MORC2: variants seen among roughly 807,000 people sequenced by gnomAD.
MORC2 encodes ATPase MORC2.
A neutral mutation model predicts 136.0 loss-of-function variants in MORC2; 30 were observed. The ratio of observed to expected loss-of-function variants is 0.22; its 90% CI spans 0.17 to 0.30. The LOEUF (loss-of-function observed/expected upper bound fraction) is 0.30. Ranked by LOEUF, MORC2 falls within the 10% of genes least tolerant of loss-of-function variation. The pLI is 1.00. For synonymous variants in MORC2, 439 were observed against 487.0 expected, an observed-to-expected ratio of 0.90 and a Z score of 1.30; for missense variants, 922 against 1,333.1, an observed-to-expected ratio of 0.69 and a Z score of 4.80.
intron 3 of MORC2, 127 bp from the exon 4 acceptor site, chr22:30,950,572 G>A (rs994108441): frequency 8.3e-6 from 7 of 848,294 alleles, no homozygotes; most frequent in African/African-American, 3.4e-5. Flanking sequence ...AACTTTCTAC[G>A]CTGGTGTGAA....
intron 5 of MORC2, among the ~76,000 whole-genome samples, chr22:30,947,294 C>A (rs1304438951): frequency 1.3e-5 from 2 of 152,226 alleles, no homozygotes; most frequent in African/African-American, 4.8e-5. Flanking sequence ...TCTGTTTGGC[C>A]ACATTAAGCT....
At chr22:30,945,524 C>A (rs1352824431) in intron 6 of MORC2, among the ~76,000 whole-genome samples, 1 of 152,196 alleles carries the variant, frequency 6.6e-6, no homozygotes, top group Non-Finnish European at 1.5e-5. Context: ...CCCTGGCCTC[C>A]ATGTCTTACA....
chr22:30,950,830 C>CTACCA (rs1569199662), intron 3 of MORC2, among the ~76,000 whole-genome samples: 1 of 152,206 alleles, frequency 6.6e-6, no homozygotes, highest in Non-Finnish European at 1.5e-5. Flanking sequence ...AGTACTCCAA[C>CTACCA]TACCACACAC....
rs780271425 is a variant in MORC2, at chr22:30,939,932, G to A, written c.987+27C>T. Reference sequence around the variant, plus strand: ...GGCTCCTAGTGCCAGAAACGCTGGAGAACAGCCGCCTGGGCCGGGACCTTA... The same window carrying A: ...GGCTCCTAGTGCCAGAAACGCTGGAAAACAGCCGCCTGGGCCGGGACCTTA... On this transcript the variant is annotated intron_variant, in intron 11 of 25. Transcript: ENST00000397641. The A allele has an allele frequency of 1.3e-5, 21 of 1,607,928 alleles. No homozygotes were observed. In the Admixed American group the frequency reaches 2.2e-4, roughly 17 times the overall value.
At chr22:30,952,263 A>G (rs934457236) in intron 3 of MORC2, among the ~76,000 whole-genome samples, 1 of 152,220 alleles carries the variant, frequency 6.6e-6, no homozygotes, top group Admixed American at 6.5e-5. Flanking sequence ...GCCAAGAGCC[A>G]TTTGCTGTAC....
rs368334989 is a variant in MORC2, at chr22:30,944,842, C to T, written c.426+1499G>A. ...TCTCTCACCTCCCTTGGGCGAGTACCGCCAAGCTACAGAGCCTGGGCCTCT... is the reference window on the plus strand; with the variant it reads ...TCTCTCACCTCCCTTGGGCGAGTACTGCCAAGCTACAGAGCCTGGGCCTCT... On this transcript the variant is annotated intron_variant, in intron 6 of 25. Coordinates refer to ENST00000397641, the MANE Select transcript of MORC2 (RefSeq NM_001303256.3). Among the ~76,000 whole-genome samples the T allele has an allele frequency of 2.8e-4, 42 of 152,324 alleles. 1 individual carries two copies. Among genetic ancestry groups the T allele is most frequent in the African/African-American group, 9.4e-4 (39 of 41,564 alleles).
intron 3 of MORC2, among the ~76,000 whole-genome samples, chr22:30,955,340 A>G (rs536334432): frequency 1.3e-4 from 20 of 152,278 alleles, no homozygotes; most frequent in African/African-American, 4.6e-4. Context: ...TAGAGAGAAA[A>G]GAAGCCTTAT....
At chr22:30,955,309 C>CTAT (rs1256558331) in intron 3 of MORC2, among the ~76,000 whole-genome samples, 1 of 152,096 alleles carries the variant, frequency 6.6e-6, no homozygotes, top group Non-Finnish European at 1.5e-5. Context: ...CTGTGTGCCC[C>CTAT]TATTTCCTGT....
intron 1 of MORC2, chr22:30,967,137 G>A (rs1249221344): frequency 3.0e-6 from 3 of 985,290 alleles, no homozygotes; most frequent in African/African-American, 1.7e-5. Flanking sequence ...GCCTCCAAGA[G>A]AGTGGGCATA....
At chr22:30,942,357 C>T in intron 6 of MORC2, 86 bp from the exon 7 acceptor site, 1 of 1,450,054 alleles carries the variant, frequency 6.9e-7, no homozygotes, top group Non-Finnish European at 9.4e-7. Flanking sequence ...TCCCTCCCCA[C>T]AGCAGCTCCA....
chr22:30,954,653 A>G (rs556446232), intron 3 of MORC2, among the ~76,000 whole-genome samples: 8 of 152,328 alleles, frequency 5.3e-5, no homozygotes, highest in Non-Finnish European at 1.0e-4. Flanking sequence ...ATTTAAATTG[A>G]AATCCAACTT....
intron 1 of MORC2, among the ~76,000 whole-genome samples, chr22:30,966,779 C>CA (rs1191369872): frequency 6.6e-6 from 1 of 151,886 alleles, no homozygotes; most frequent in African/African-American, 2.4e-5. Context: ...CTCCGTCTCT[C>CA]AAAAAAATAA....
chr22:30,928,202 C>T lies in MORC2; in HGVS notation c.2847G>A (p.Glu949=), dbSNP rs1285225047. 6.2e-7 allele frequency: 1 copy of T among 1,614,128 alleles called. No individual in the cohort carries two copies. Among genetic ancestry groups the T allele is most frequent in the South Asian group, 1.1e-5 (1 of 91,072 alleles). The change falls in exon 25 of 26, where the codon GAG becomes GAA. Residue 949 remains glutamate (E), a synonymous_variant. Coordinates refer to ENST00000397641, the MANE Select transcript of MORC2 (RefSeq NM_001303256.3). ...SDELISFPLK[E]YFKQYEVGLQ... ...GCCCTACTTCATATTGCTTGAAGTA[C>T]TCCTTCTGTTGGGAGCAGAGCAAGA...
intron 25 of MORC2, among the ~76,000 whole-genome samples, chr22:30,927,182 C>T (rs2147226454): frequency 6.6e-6 from 1 of 152,192 alleles, no homozygotes; most frequent in South Asian, 2.1e-4. Context: ...GCCCAAGGTC[C>T]AGGCCACCAC....
At chr22:30,928,412 A>C (rs879538647) in intron 24 of MORC2, among the ~76,000 whole-genome samples, 45 of 152,314 alleles carry the variant, frequency 3.0e-4, no homozygotes, top group Middle Eastern at 3.4e-3. Context: ...ACAAGGAAGA[A>C]GACAATTAGC....
intron 1 of MORC2, among the ~76,000 whole-genome samples, chr22:30,965,530 C>T (rs1317327368): frequency 6.6e-6 from 1 of 152,194 alleles, no homozygotes; most frequent in East Asian, 1.9e-4. Context: ...AGGACTAATA[C>T]ATCAAAAAGG....
In MORC2 at chr22:30,950,407, A is replaced by G; in HGVS notation, c.196T>C (p.Phe66Leu). Residue 66 changes from phenylalanine (F) to leucine (L), a missense_variant, in exon 4 of 26, where the codon TTT becomes CTT. This residue lies in a region of MORC2 where 57 missense variants were observed against 71.8 expected (regional missense o/e 0.79). Transcript: ENST00000397641. Reference protein sequence around the residue: ...EDLRGGFMLCFLDDGAGMDPS... With the variant: ...EDLRGGFMLCLLDDGAGMDPS... Reference sequence around the variant, plus strand: ...TCCATTCCTGCTCCATCATCCAAAAAGCAAAGCATAAATCCTCCTCGAAGG... The same window carrying G: ...TCCATTCCTGCTCCATCATCCAAAAGGCAAAGCATAAATCCTCCTCGAAGG... 1 of 1,611,708 alleles carries G rather than the reference A, an allele frequency of 6.2e-7. No homozygotes were observed. The highest frequency in any genetic ancestry group is 8.5e-7 in the Non-Finnish European group (1 of 1,179,754).
Position 30,968,190 on chromosome 22 carries a change from A to G in MORC2, c.-301T>C, listed in dbSNP as rs971913294. The G allele has an allele frequency of 3.2e-6, 1 of 309,312 alleles. No homozygotes were observed. Among genetic ancestry groups the G allele is most frequent in the Non-Finnish European group, 6.1e-6 (1 of 162,666 alleles). 19.2% of individuals were successfully genotyped at this position (309,312 alleles called of 1,614,324 possible). A position where few individuals can be genotyped will look rare whatever the true frequency, so the allele number is the denominator to read the frequency against. On this transcript the variant is annotated 5_prime_UTR_variant, in exon 1 of 26. Transcript: ENST00000397641. ...AAGTTGCGATAGCTCAATTCAGACAATCTGAGTCTCGTGTGGATGGTCCTG... is the reference window on the plus strand; with the variant it reads ...AAGTTGCGATAGCTCAATTCAGACAGTCTGAGTCTCGTGTGGATGGTCCTG...
At chr22:30,947,365 A>G (rs549041078) in intron 5 of MORC2, among the ~76,000 whole-genome samples, 5 of 152,354 alleles carry the variant, frequency 3.3e-5, no homozygotes, top group African/African-American at 1.2e-4. Flanking sequence ...AGAAGTGTGA[A>G]GCACCAGCAG....
Sources: gnomAD v4.1 joint callset for allele counts (sites outside exome capture counted in the v4.1 genomes callset) on GRCh38, gnomAD v4.1.1 for gene constraint, gnomAD v4.1.1 regional missense constraint, MANE v1.5 for transcripts, NCBI Gene and HGNC (gene_info 2026-07-23, HGNC 2026-07-21) for gene names.